Variants in SDCCAG8 observed in about 807,000 individuals in gnomAD.
The protein encoded by SDCCAG8 is serologically defined colon cancer antigen 8.
SDCCAG8 carries 74 observed loss-of-function variants against 101.8 expected under a neutral mutation model. The observed-to-expected ratio is 0.73, with a 90% CI of 0.60 to 0.88. SDCCAG8 has a LOEUF of 0.88. Ranked by LOEUF, SDCCAG8 falls within the 40% of genes least tolerant of loss-of-function variation. SDCCAG8 has a pLI of 0.00. For missense variants in SDCCAG8, 787 were observed against 822.6 expected (o/e 0.96, Z 0.53); for synonymous variants, 281 against 292.9 (o/e 0.96, Z 0.41).
intron 17 of SDCCAG8, among the ~76,000 whole-genome samples, chr1:243,491,724 G>C (rs1666457218): frequency 6.6e-6 from 1 of 152,198 alleles, no homozygotes; most frequent in African/African-American, 2.4e-5. Flanking sequence ...GTTCGAGCAG[G>C]TATTTTGGAT....
chr1:243,334,226 C>T lies in SDCCAG8; in HGVS notation c.1221+3534C>T, dbSNP rs147797643. Among the ~76,000 whole-genome samples the T allele has an allele frequency of 3.6e-3, 548 of 152,252 alleles. 1 individual carries two copies. The highest frequency in any genetic ancestry group is 0.013 in the African/African-American group (520 of 41,530). ...CCTATAGCCCCTGTGGTGTCCTTGC[C>T]TCCAGTCTCACCTCCTTCCTATCTG... On this transcript the variant is annotated intron_variant, in intron 10 of 17. Transcript: ENST00000366541.
At position 243,474,860 on chromosome 1, in the gene SDCCAG8, G is replaced by A. The variant is rs945521879; in HGVS notation, c.1986-14154G>A. 6.6e-6 allele frequency among the ~76,000 whole-genome samples: 1 copy of A among 152,242 alleles called. No homozygotes were observed. The highest frequency in any genetic ancestry group is 1.5e-5 in the Non-Finnish European group (1 of 68,038). ...TCAACGGAATTTCACTCAACTCCGA[G>A]ACTGAAGCATTTTATTGGCAGCATT... On this transcript the variant is annotated intron_variant, in intron 16 of 17. Coordinates refer to ENST00000366541, the MANE Select transcript of SDCCAG8 (RefSeq NM_006642.5). This position sits in a 1 kb window ranked among gnomAD's most constrained non-coding sequence, Gnocchi z 4.7.
intron 16 of SDCCAG8, among the ~76,000 whole-genome samples, chr1:243,470,306 C>T (rs1288393076): frequency 6.6e-6 from 1 of 152,154 alleles, no homozygotes; most frequent in Admixed American, 6.5e-5. Context: ...TCATCACTCA[C>T]ATGTGCTCAC....
intron 13 of SDCCAG8, among the ~76,000 whole-genome samples, chr1:243,386,249 G>A (rs572043534): frequency 1.3e-5 from 2 of 152,276 alleles, no homozygotes; most frequent in Non-Finnish European, 2.9e-5. Flanking sequence ...ATATGTTATC[G>A]AAGCAGGTTT....
In SDCCAG8 at chr1:243,417,950, G is replaced by T; in HGVS notation, c.1745-18G>T. ...CCATAAACATCTTATGTTGGTGGGG[G>T]TTTATTGTTATTTCTAGAAAATGAA... On this transcript the variant is annotated intron_variant, in intron 14 of 17. Transcript: ENST00000366541. 6.5e-7 allele frequency: 1 copy of T among 1,548,610 alleles called. No individual in the cohort carries two copies. The highest frequency in any genetic ancestry group is 8.9e-7 in the Non-Finnish European group (1 of 1,120,830).
intron 16 of SDCCAG8, among the ~76,000 whole-genome samples, chr1:243,469,437 A>G (rs1291598095): frequency 6.6e-6 from 1 of 152,238 alleles, no homozygotes. Flanking sequence ...AGTGTGGTTG[A>G]AATATACATG....
intron 15 of SDCCAG8, among the ~76,000 whole-genome samples, chr1:243,424,851 T>C (rs2081237722): frequency 6.6e-6 from 1 of 152,080 alleles, no homozygotes; most frequent in South Asian, 2.1e-4. Flanking sequence ...TAAAAGTGCC[T>C]TTTGCTTGGA....
At chr1:243,456,728 T>C (rs761530516) in intron 16 of SDCCAG8, among the ~76,000 whole-genome samples, 1 of 152,134 alleles carries the variant, frequency 6.6e-6, no homozygotes, top group East Asian at 1.9e-4. Context: ...TTTTATTGTA[T>C]TTAGGGGGCA....
chr1:243,441,403 C>T (rs1043277798), intron 16 of SDCCAG8, among the ~76,000 whole-genome samples: 4 of 152,074 alleles, frequency 2.6e-5, no homozygotes, highest in African/African-American at 7.2e-5. Flanking sequence ...CTGATACTCC[C>T]CTCAATTTTA....
intron 6 of SDCCAG8, among the ~76,000 whole-genome samples, chr1:243,303,009 C>T (rs1383301558): frequency 2.0e-5 from 3 of 152,184 alleles, no homozygotes; most frequent in Non-Finnish European, 4.4e-5. Context: ...AGATTTACAA[C>T]AGTCAATCAA....
chr1:243,259,122 C>T (rs1295618706), intron 1 of SDCCAG8, among the ~76,000 whole-genome samples: 2 of 152,114 alleles, frequency 1.3e-5, no homozygotes, highest in African/African-American at 2.4e-5. Flanking sequence ...TTCCTGGGGC[C>T]GGGCGTGGTG....
At chr1:243,499,627 T>C (rs1669005464) in intron 17 of SDCCAG8, 129 bp from the exon 18 acceptor site, 1 of 770,210 alleles carries the variant, frequency 1.3e-6, no homozygotes, top group African/African-American at 1.8e-5. Flanking sequence ...AATTTCCACA[T>C]TTTTAGCAAC....
intron 8 of SDCCAG8, 36 bp from the exon 9 acceptor site, chr1:243,316,719 C>T: frequency 1.9e-5 from 31 of 1,613,564 alleles, no homozygotes; most frequent in Non-Finnish European, 2.6e-5. Flanking sequence ...ATCGTTTGAT[C>T]ATTTCTTGTT....
At chr1:243,385,245 C>A (rs1047078257) in intron 13 of SDCCAG8, among the ~76,000 whole-genome samples, 1 of 151,912 alleles carries the variant, frequency 6.6e-6, no homozygotes, top group Non-Finnish European at 1.5e-5. Flanking sequence ...CAAACATTAG[C>A]TGGGCATGGT....
chr1:243,280,570 C>A (rs2068944740), intron 4 of SDCCAG8, among the ~76,000 whole-genome samples: 1 of 152,072 alleles, frequency 6.6e-6, no homozygotes. Context: ...TTTTTTTACA[C>A]TCCTTTTGCT....
At chr1:243,418,128 A>G (rs2080733686) in intron 15 of SDCCAG8, 52 bp downstream of exon 15, 1 of 1,272,830 alleles carries the variant, frequency 7.9e-7, no homozygotes, top group Admixed American at 1.7e-5. Context: ...TGATTACTCT[A>G]ATTTTTCCTT....
At chr1:243,374,048 A>G (rs2147891347) in intron 12 of SDCCAG8, among the ~76,000 whole-genome samples, 1 of 152,240 alleles carries the variant, frequency 6.6e-6, no homozygotes, top group South Asian at 2.1e-4. Flanking sequence ...TATTATATTC[A>G]TAGATTAAAA....
chr1:243,468,516 C>A (rs1262627425), intron 16 of SDCCAG8, among the ~76,000 whole-genome samples: 1 of 152,192 alleles, frequency 6.6e-6, no homozygotes. Flanking sequence ...CCGTACCTGG[C>A]CTGATGTTAA....
At chr1:243,436,627 CA>C (rs201023546) in intron 16 of SDCCAG8, among the ~76,000 whole-genome samples, 1,684 of 152,240 alleles carry the variant, frequency 0.011, 34 homozygotes, top group African/African-American at 0.039. Context: ...AAAAGGCTAA[CA>C]GAGTTTAACT....
Sources: allele counts gnomAD v4.1 joint callset (sites outside exome capture counted in the v4.1 genomes callset), GRCh38; gene constraint gnomAD v4.1.1; non-coding constraint Gnocchi (gnomAD v3.1); transcripts MANE v1.5; gene names NCBI Gene and HGNC (gene_info 2026-07-23, HGNC 2026-07-21).